The following SEC16A variants were observed in gnomAD, a reference collection of about 807,000 sequenced individuals.
SEC16A encodes the protein SEC16 homolog A, endoplasmic reticulum export factor, also known as protein transport protein Sec16A.
In SEC16A, 110 loss-of-function variants were observed where a neutral mutation model predicts 221.9. The observed-to-expected ratio is 0.50, with a 90% CI of 0.42 to 0.58. The LOEUF is 0.58. SEC16A is among the 20% of genes least tolerant of loss of function. The probability of loss-of-function intolerance (pLI) is 0.00; values close to 1 mark genes in which losing one functional copy is unlikely to be tolerated. For synonymous variants in SEC16A, 1,393 were observed against 1,257.7 expected, an observed-to-expected ratio of 1.11 and a Z score of -2.28; for missense variants, 3,165 against 3,097.8, an observed-to-expected ratio of 1.02 and a Z score of -0.52.
chr9:136,464,622 A>G, intron 8 of SEC16A, 60 bp from the exon 9 acceptor site: 1 of 1,469,416 alleles, frequency 6.8e-7, no homozygotes, highest in Non-Finnish European at 9.4e-7. Context: ...TTCTGAGCCT[A>G]GATTTTCAAT....
At chr9:136,454,439 C>T (rs1838319233) in intron 20 of SEC16A, 112 bp from the exon 21 acceptor site, 1 of 1,009,452 alleles carries the variant, frequency 9.9e-7, no homozygotes, top group Non-Finnish European at 1.5e-6. Flanking sequence ...AGCCCCATTT[C>T]TTTTATAAGG....
In SEC16A at chr9:136,451,242, G is replaced by T. The variant is rs1266710956; in HGVS notation, c.6312+14C>A. The T allele has an allele frequency of 6.2e-7, 1 of 1,607,378 alleles. No homozygotes were observed. The highest frequency in any genetic ancestry group is 8.5e-7 in the Non-Finnish European group (1 of 1,176,868). On this transcript the variant is annotated intron_variant, in intron 23 of 31. Coordinates refer to ENST00000684901, the MANE Select transcript of SEC16A (RefSeq NM_014866.2). ...CTCCCGGCCGCCAGGCGCACCGTGGGCAGGCTGTACTACCTTCTTAGGTTC... is the reference window on the plus strand; with the variant it reads ...CTCCCGGCCGCCAGGCGCACCGTGGTCAGGCTGTACTACCTTCTTAGGTTC...
At chr9:136,462,791 G>C (rs1422556097) in intron 12 of SEC16A, 96 bp downstream of exon 12, 3 of 1,427,762 alleles carry the variant, frequency 2.1e-6, no homozygotes, top group African/African-American at 2.8e-5. Context: ...ATGCTCCCAA[G>C]AGGGGGCCAC....
At position 136,476,525 on chromosome 9, in the gene SEC16A, G is replaced by C. The variant is rs747372216; in HGVS notation, c.1091C>G (p.Ala364Gly). 1 of 1,612,742 alleles carries C rather than the reference G, an allele frequency of 6.2e-7. No individual in the cohort carries two copies. Among genetic ancestry groups the C allele is most frequent in the East Asian group, 2.2e-5 (1 of 44,868 alleles). The part of the protein sequence containing the change: ...GAGSGCAPLE[A>G]DSGASGALAM... ...CAGAGCTCCTGAAGCTCCTGAGTCTGCTTCTAGCGGGGCACAGCCAGACCC... is the reference window on the plus strand; with the variant it reads ...CAGAGCTCCTGAAGCTCCTGAGTCTCCTTCTAGCGGGGCACAGCCAGACCC... The change falls in exon 3 of 32, where the codon GCA (alanine) becomes GGA (glycine). Residue 364 changes from alanine (A) to glycine (G), a missense_variant. Ala to Gly is a moderately conservative substitution (Grantham distance 60, BLOSUM62 0). Coordinates refer to ENST00000684901, the MANE Select transcript of SEC16A (RefSeq NM_014866.2).
chr9:136,447,475 C>G lies in SEC16A; in HGVS notation c.6559+94G>C. 6.5e-7 allele frequency: 1 copy of G among 1,535,742 alleles called. No homozygotes were observed. The highest frequency in any genetic ancestry group is 8.9e-7 in the Non-Finnish European group (1 of 1,122,126). Reference sequence around the variant, plus strand: ...AAAGCACGCAGGGACGTGCGGGAAGCCACCTCCTCCCCACGCACAACAGCT... The same window carrying G: ...AAAGCACGCAGGGACGTGCGGGAAGGCACCTCCTCCCCACGCACAACAGCT... On this transcript the variant is annotated intron_variant, in intron 26 of 31. Transcript: ENST00000684901. This position sits in a 1 kb window ranked among gnomAD's most constrained non-coding sequence, Gnocchi z 5.5.
At chr9:136,458,411 A>G (rs901972672) in intron 17 of SEC16A, among the ~76,000 whole-genome samples, 22 of 145,566 alleles carry the variant, frequency 1.5e-4, no homozygotes, top group Non-Finnish European at 3.0e-4. Flanking sequence ...GGCAGATCAC[A>G]AGGTCAGGAG....
At chr9:136,453,849 T>C (rs547790094) in intron 21 of SEC16A, among the ~76,000 whole-genome samples, 1 of 152,170 alleles carries the variant, frequency 6.6e-6, no homozygotes, top group Non-Finnish European at 1.5e-5. Flanking sequence ...AGGAGACCCA[T>C]GGCCACCATG....
At chr9:136,468,346 C>A in intron 5 of SEC16A, 69 bp downstream of exon 5, 1 of 939,376 alleles carries the variant, frequency 1.1e-6, no homozygotes, top group South Asian at 1.4e-5. Context: ...CTGGCCAGGG[C>A]TGCATGTCAT....
chr9:136,452,292 CA>C (rs199829344), intron 22 of SEC16A, among the ~76,000 whole-genome samples: 4 of 144,914 alleles, frequency 2.8e-5, no homozygotes, highest in Non-Finnish European at 3.0e-5. Context: ...ACTAAAAATA[CA>C]AAAAAAAATG....
In SEC16A at chr9:136,445,658, G is replaced by A; in HGVS notation, c.6854C>T (p.Ser2285Phe). The A allele has an allele frequency of 2.6e-6, 4 of 1,551,264 alleles. No individual in the cohort carries two copies. Among genetic ancestry groups the A allele is most frequent in the Non-Finnish European group, 3.5e-6 (4 of 1,147,164 alleles). ...GGCACTCCTTACCTCTCCTCCCTGG[G>A]AACCCTCAGGCCTGGAGGAGGGGAG... ...SELPSSRPEG[S>F]QGGELSRCSS... The change falls in exon 29 of 32, where the codon TCC becomes TTC. Residue 2285 changes from serine to phenylalanine, a missense_variant. Ser to Phe is a radical substitution (Grantham distance 155). Around this residue, in one of 3 missense-constraint regions of SEC16A, gnomAD observed 1,088 missense variants for 1,089.6 expected, o/e 1.00. Coordinates refer to ENST00000684901, the MANE Select transcript of SEC16A (RefSeq NM_014866.2).
At chr9:136,472,222 C>A in intron 3 of SEC16A, 111 bp from the exon 4 acceptor site, 1 of 1,264,342 alleles carries the variant, frequency 7.9e-7, no homozygotes, top group Non-Finnish European at 1.1e-6. Flanking sequence ...AGATACCTAC[C>A]AAGAGCAAGC....
Position 136,466,943 on chromosome 9 carries a change from G to C in SEC16A, c.3929+14C>G. 3.7e-6 allele frequency: 6 copies of C among 1,609,862 alleles called. No individual in the cohort carries two copies. Among genetic ancestry groups the C allele is most frequent in the Non-Finnish European group, 5.1e-6 (6 of 1,178,448 alleles). ...TGCCCCCAGCCTCTGCCTCCCCAGG[G>C]GTGCTCCACCAACCTGTCCCCGAAG... On this transcript the variant is annotated intron_variant, in intron 6 of 31. Coordinates refer to ENST00000684901, the MANE Select transcript of SEC16A (RefSeq NM_014866.2). This position sits in a 1 kb window ranked among gnomAD's most constrained non-coding sequence, Gnocchi z 5.5.
intron 28 of SEC16A, among the ~76,000 whole-genome samples, chr9:136,445,974 T>C (rs1313103119): frequency 1.3e-5 from 2 of 152,176 alleles, no homozygotes; most frequent in Non-Finnish European, 2.9e-5. Context: ...GCTACTGTTA[T>C]TCCCATTTTA....
At chr9:136,463,776 T>C (rs777594791) in intron 9 of SEC16A, 36 bp from the exon 10 acceptor site, 6 of 1,608,426 alleles carry the variant, frequency 3.7e-6, no homozygotes, top group Admixed American at 3.3e-5. Flanking sequence ...TGGCAGCCAG[T>C]GCGCAGCCAC....
At position 136,483,008 on chromosome 9, in the gene SEC16A, C is replaced by G. The variant is rs981506835; in HGVS notation, c.-262G>C. On this transcript the variant is annotated 5_prime_UTR_variant, in exon 1 of 32. Coordinates refer to ENST00000684901, the MANE Select transcript of SEC16A (RefSeq NM_014866.2). ...ACCCGACGCTGGCGACGAGCACAGACACCTCAGCCGCCGCAGCCATCTTGG... is the reference window on the plus strand; with the variant it reads ...ACCCGACGCTGGCGACGAGCACAGAGACCTCAGCCGCCGCAGCCATCTTGG... The G allele has an allele frequency of 2.0e-6, 2 of 985,324 alleles. No homozygotes were observed. Among genetic ancestry groups the G allele is most frequent in the Non-Finnish European group, 2.4e-6 (2 of 829,874 alleles). 61.0% of individuals were successfully genotyped at this position (985,324 alleles called of 1,614,324 possible).
At chr9:136,455,570 C>A in intron 20 of SEC16A, 31 bp downstream of exon 20, 1 of 1,519,816 alleles carries the variant, frequency 6.6e-7, no homozygotes, top group Non-Finnish European at 8.8e-7. Flanking sequence ...AGGGGCTTGT[C>A]TGAGGGCAGC....
chr9:136,483,505 C>T (rs1842682520), upstream of SEC16A: 3 of 982,640 alleles, frequency 3.1e-6, no homozygotes, highest in African/African-American at 5.3e-5. Flanking sequence ...CGTCTGCCGC[C>T]TCACCGCTTG....
chr9:136,479,517 T>G (rs1376885349), intron 1 of SEC16A, among the ~76,000 whole-genome samples: 1 of 152,098 alleles, frequency 6.6e-6, no homozygotes, highest in African/African-American at 2.4e-5. Flanking sequence ...CATGCCAGGC[T>G]AATTTTTTGT....
At position 136,472,057 on chromosome 9, in the gene SEC16A, C is replaced by T. The variant is rs1840947448; in HGVS notation, c.3622G>A (p.Ala1208Thr). 1 of 1,613,506 alleles carries T rather than the reference C, an allele frequency of 6.2e-7. No homozygotes were observed. Among genetic ancestry groups the T allele is most frequent in the Non-Finnish European group, 8.5e-7 (1 of 1,179,888 alleles). ...GGATAGCGGTAGTTCTGGGCGTAAGCAGACGCAGCACCATCATAGGGCCTG... is the reference window on the plus strand; with the variant it reads ...GGATAGCGGTAGTTCTGGGCGTAAGTAGACGCAGCACCATCATAGGGCCTG... ...RYRPYDGAAS[A>T]YAQNYRYPEP... Residue 1208 changes from alanine (A) to threonine (T), a missense_variant, in exon 4 of 32, where the codon GCT becomes ACT. By Grantham distance (58) the Ala-to-Thr change is moderately conservative. Transcript: ENST00000684901.
Sources: gnomAD v4.1 joint callset for allele counts (sites outside exome capture counted in the v4.1 genomes callset) on GRCh38, gnomAD v4.1.1 for gene constraint, gnomAD v4.1.1 regional missense constraint, Gnocchi (gnomAD v3.1) non-coding constraint, MANE v1.5 for transcripts, NCBI Gene and HGNC (gene_info 2026-07-23, HGNC 2026-07-21) for gene names.